The following DLG2 variants were observed in gnomAD, a reference collection of about 807,000 sequenced individuals.
The protein encoded by DLG2 is discs large MAGUK scaffold protein 2, also known as disks large homolog 2.
In DLG2, 45 loss-of-function variants were observed where a neutral mutation model predicts 132.5. That is an observed-to-expected ratio of 0.34 (90% CI 0.27 to 0.44). DLG2 has a LOEUF of 0.44. Ranked by LOEUF, DLG2 falls within the 20% of genes least tolerant of loss-of-function variation. The probability of loss-of-function intolerance (pLI) is 1.00; values close to 1 mark genes in which losing one functional copy is unlikely to be tolerated. For synonymous variants in DLG2, 424 were observed against 419.6 expected (o/e 1.01, Z -0.13); for missense variants, 1,045 against 1,196.9 (o/e 0.87, Z 1.87).
Position 83,455,318 on chromosome 11 carries a change from T to C in DLG2, c.*4500A>G, listed in dbSNP as rs79177794. On this transcript the variant is annotated 3_prime_UTR_variant, in exon 28 of 28. Transcript: ENST00000376104. ...GTATTCCCACCTCCCTCCCATCCTG[T>C]GCTACAGCTCGGTGGAGAAACATCC... 3,356 of 152,736 alleles carry C rather than the reference T, an allele frequency of 0.022. 107 individuals are homozygous for C. Among genetic ancestry groups the C allele is most frequent in the African/African-American group, 0.069 (2,865 of 41,558 alleles). The allele number at this position is 152,736 out of a possible 1,614,324, so 9.5% of individuals were successfully genotyped here. A position where few individuals can be genotyped will look rare whatever the true frequency, so the allele number is the denominator to read the frequency against.
intron 7 of DLG2, among the ~76,000 whole-genome samples, chr11:84,294,463 T>G (rs957729431): frequency 2.6e-5 from 4 of 152,062 alleles, no homozygotes; most frequent in African/African-American, 9.7e-5. Context: ...AAGGGTGTGT[T>G]GGCGCATGCC....
Position 83,820,192 on chromosome 11 carries a change from T to C in DLG2, c.1722+13422A>G, listed in dbSNP as rs546577482. On this transcript the variant is annotated intron_variant, in intron 17 of 27. Transcript: ENST00000376104. The stretch of plus-strand genomic sequence containing the variant: ...AATCCCAGTCACTACATATTATTTA[T>C]TGTCTTACGGGAACAATAGGTTCAT... Among the ~76,000 whole-genome samples the C allele has an allele frequency of 4.8e-4, 73 of 152,270 alleles. 1 individual carries two copies. The highest frequency in any genetic ancestry group is 1.7e-3 in the African/African-American group (72 of 41,556).
At chr11:84,074,989 T>G (rs1357253164) in intron 10 of DLG2, among the ~76,000 whole-genome samples, 1 of 152,138 alleles carries the variant, frequency 6.6e-6, no homozygotes, top group Non-Finnish European at 1.5e-5. Context: ...TCTACCACTG[T>G]CCCCTAGCTC....
intron 3 of DLG2, among the ~76,000 whole-genome samples, chr11:85,580,622 C>T (rs1242498186): frequency 6.6e-6 from 1 of 152,090 alleles, no homozygotes; most frequent in Non-Finnish European, 1.5e-5. Context: ...ATTATCATCC[C>T]CAATTTACAG....
At chr11:85,173,465 T>G (rs2079014795) in intron 4 of DLG2, among the ~76,000 whole-genome samples, 1 of 152,278 alleles carries the variant, frequency 6.6e-6, no homozygotes, top group East Asian at 1.9e-4. Context: ...CAAGAGTTCC[T>G]GAAGGAAGCA....
intron 3 of DLG2, among the ~76,000 whole-genome samples, chr11:85,487,254 A>G (rs747335427): frequency 6.6e-6 from 1 of 152,114 alleles, no homozygotes; most frequent in Non-Finnish European, 1.5e-5. Flanking sequence ...CACAGAAAAC[A>G]GCAAAAAGCA....
chr11:84,495,143 C>G (rs150205978), intron 7 of DLG2, among the ~76,000 whole-genome samples: 4 of 152,232 alleles, frequency 2.6e-5, no homozygotes, highest in African/African-American at 7.2e-5. Flanking sequence ...CTTATATAAT[C>G]TGTCCCTAAA....
intron 6 of DLG2, among the ~76,000 whole-genome samples, chr11:84,940,224 C>T (rs1233847427): frequency 6.6e-6 from 1 of 152,218 alleles, no homozygotes; most frequent in Non-Finnish European, 1.5e-5. Flanking sequence ...AATCTCAGCT[C>T]ACTGCAACCC....
intron 6 of DLG2, among the ~76,000 whole-genome samples, chr11:84,926,229 A>G (rs2092971823): frequency 6.6e-6 from 1 of 152,032 alleles, no homozygotes; most frequent in Non-Finnish European, 1.5e-5. Context: ...ATTAAAATTG[A>G]CACATCAAGT....
chr11:85,053,695 G>A lies in DLG2; in HGVS notation c.357+57966C>T, dbSNP rs146214078. On this transcript the variant is annotated intron_variant, in intron 6 of 27. Transcript: ENST00000376104. ...TGGGCGCCTGTAGTCCCAGCTACTC[G>A]GGAGGCTGAGATAGGAGAATGGCGT... is the stretch of plus-strand genomic sequence containing the variant. 3.4e-3 allele frequency among the ~76,000 whole-genome samples: 508 copies of A among 149,196 alleles called. 19 individuals are homozygous for A. The East Asian group carries it at 0.086, about 25-fold the overall frequency.
intron 6 of DLG2, chr11:84,923,340 T>G (rs912268044): frequency 1.4e-5 from 17 of 1,233,492 alleles, no homozygotes; most frequent in Non-Finnish European, 1.7e-5. Flanking sequence ...TTATGCCCAG[T>G]AATTTCAATT....
intron 6 of DLG2, chr11:84,720,481 A>G (rs2061685104): frequency 2.0e-6 from 2 of 985,138 alleles, no homozygotes; most frequent in East Asian, 1.1e-4. Flanking sequence ...GCCTAGACCG[A>G]GCTGCCGCTT....
intron 6 of DLG2, among the ~76,000 whole-genome samples, chr11:84,831,968 A>G (rs1027955303): frequency 2.0e-5 from 3 of 151,632 alleles, no homozygotes; most frequent in African/African-American, 7.3e-5. Context: ...CTTAAATGGC[A>G]GGTACTGTTC....
chr11:84,466,600 G>A (rs1489291861), intron 7 of DLG2, among the ~76,000 whole-genome samples: 1 of 151,326 alleles, frequency 6.6e-6, no homozygotes, highest in Non-Finnish European at 1.5e-5. Flanking sequence ...TCATGCTACA[G>A]GTTGGTAAAA....
chr11:83,852,177 C>T (rs142619009), intron 16 of DLG2, among the ~76,000 whole-genome samples: 1,972 of 152,276 alleles, frequency 0.013, 23 homozygotes, highest in Non-Finnish European at 0.02. Flanking sequence ...GTTTTAAACA[C>T]TCAGTTTGAG....
intron 5 of DLG2, among the ~76,000 whole-genome samples, chr11:85,149,938 C>T (rs1233636880): frequency 6.6e-6 from 1 of 151,258 alleles, no homozygotes; most frequent in Non-Finnish European, 1.5e-5. Flanking sequence ...TTAAAATTAC[C>T]TTTAATGCTG....
intron 6 of DLG2, among the ~76,000 whole-genome samples, chr11:84,704,799 G>C (rs1349006839): frequency 6.6e-6 from 1 of 150,682 alleles, no homozygotes; most frequent in Middle Eastern, 3.2e-3. Flanking sequence ...GGTTCTTCTA[G>C]ACAGAAACCC....
chr11:84,531,540 C>T (rs940729542), intron 7 of DLG2, among the ~76,000 whole-genome samples: 30 of 152,238 alleles, frequency 2.0e-4, no homozygotes, highest in Admixed American at 1.8e-3. Flanking sequence ...GCATAAACAA[C>T]ACCTCGAGAA....
chr11:85,616,997 C>A (rs1361325564), intron 2 of DLG2, among the ~76,000 whole-genome samples: 2 of 152,162 alleles, frequency 1.3e-5, no homozygotes, highest in Admixed American at 6.6e-5. Context: ...CACTCCCATT[C>A]CAGGCAGAAC....
Sources: gnomAD v4.1 joint callset for allele counts (sites outside exome capture counted in the v4.1 genomes callset) on GRCh38, gnomAD v4.1.1 for gene constraint, MANE v1.5 for transcripts, NCBI Gene and HGNC (gene_info 2026-07-23, HGNC 2026-07-21) for gene names.